The following PHF24 variants were observed in gnomAD, a reference collection of about 807,000 sequenced individuals.
PHF24 encodes the protein PHD finger protein 24.
Under a neutral mutation model 42.6 loss-of-function variants are expected in PHF24, and 25 were observed. That is an observed-to-expected ratio of 0.59 (90% CI 0.43 to 0.82). PHF24 has a LOEUF of 0.82. Among genes scored for constraint, PHF24 ranks in the 40% least tolerant of loss-of-function variants. PHF24 has a pLI of 0.00. For synonymous variants in PHF24, 185 were observed against 204.8 expected, an observed-to-expected ratio of 0.90 and a Z score of 0.83; for missense variants, 470 against 538.1, an observed-to-expected ratio of 0.87 and a Z score of 1.25.
At chr9:34,949,016 T>A in the PHF24 span, among the ~76,000 whole-genome samples, 1 of 152,294 alleles carries the variant, frequency 6.6e-6, no homozygotes, top group Non-Finnish European at 1.5e-5. Flanking sequence ...ATGCACATAA[T>A]AACAGATGCT....
chr9:34,840,608 C>T, the PHF24 span, among the ~76,000 whole-genome samples: 1 of 151,920 alleles, frequency 6.6e-6, no homozygotes, highest in South Asian at 2.1e-4. Context: ...TAGCTCACTG[C>T]AGCCTCTAAC....
At chr9:34,870,181 C>T in the PHF24 span, among the ~76,000 whole-genome samples, 3 of 152,038 alleles carry the variant, frequency 2.0e-5, no homozygotes, top group African/African-American at 7.2e-5. Flanking sequence ...CAGTCCTAAA[C>T]TTGTTTCCAC....
chr9:34,928,216 C>CA, the PHF24 span, among the ~76,000 whole-genome samples: 78,405 of 109,196 alleles, frequency 0.72, 27,164 homozygotes, highest in Non-Finnish European at 0.76. Context: ...GACTCTGTCT[C>CA]AAAAAAAAAA....
At chr9:34,805,718 G>C in the PHF24 span, among the ~76,000 whole-genome samples, 2 of 152,066 alleles carry the variant, frequency 1.3e-5, no homozygotes, top group Non-Finnish European at 2.9e-5. Context: ...TTTCAATAAA[G>C]TCCAATTTAT....
At chr9:34,843,069 T>C in the PHF24 span, among the ~76,000 whole-genome samples, 1 of 152,224 alleles carries the variant, frequency 6.6e-6, no homozygotes, top group Non-Finnish European at 1.5e-5. Flanking sequence ...TAGAAACCAA[T>C]TGAAAAGCAA....
Position 34,971,276 on chromosome 9 carries a change from C to A in PHF24, c.-4-19C>A. Reference sequence around the variant, plus strand: ...TCAGCCATTGGCTGAACCTGTGCCCCTCTGCTTTTTGTCCACAGAGCCATG... The same window carrying A: ...TCAGCCATTGGCTGAACCTGTGCCCATCTGCTTTTTGTCCACAGAGCCATG... On this transcript the variant is annotated intron_variant, in intron 1 of 7. Transcript: ENST00000242315. 1 of 1,574,128 alleles carries A rather than the reference C, an allele frequency of 6.4e-7. No individual in the cohort carries two copies. The highest frequency in any genetic ancestry group is 8.7e-7 in the Non-Finnish European group (1 of 1,154,898).
Position 34,977,423 on chromosome 9 carries a change from C to T in PHF24, c.1011-123C>T, listed in dbSNP as rs79586027. 753 of 1,219,168 alleles carry T rather than the reference C, an allele frequency of 6.2e-4. 2 individuals are homozygous for T. In the African/African-American group the frequency reaches 0.01, roughly 17 times the overall value. The allele number at this position is 1,219,168 out of a possible 1,614,324, so 75.5% of individuals were successfully genotyped here. On this transcript the variant is annotated intron_variant, in intron 6 of 7. Coordinates refer to ENST00000242315, the Ensembl canonical transcript of PHF24. ...CATAGGACAGCCTCTGCCTTCAACTCGGTGTTGCCACATGTCAGAAGAGCC... is the reference window on the plus strand; with the variant it reads ...CATAGGACAGCCTCTGCCTTCAACTTGGTGTTGCCACATGTCAGAAGAGCC...
the PHF24 span, among the ~76,000 whole-genome samples, chr9:34,825,565 G>T: frequency 6.6e-6 from 1 of 151,944 alleles, no homozygotes; most frequent in African/African-American, 2.4e-5. Context: ...CTTTGTGTCT[G>T]TGCATTTTTG....
At chr9:34,811,224 A>G in the PHF24 span, among the ~76,000 whole-genome samples, 973 of 152,338 alleles carry the variant, frequency 6.4e-3, 8 homozygotes, top group Middle Eastern at 0.037. Context: ...AGAAATGTCA[A>G]GGAGAGGAAG....
chr9:34,690,466 G>GTGTGTGTT, the PHF24 span: 1 of 871,380 alleles, frequency 1.1e-6, no homozygotes, highest in Non-Finnish European at 1.8e-6. Flanking sequence ...GTGTGTGTGT[G>GTGTGTGTT]TGTCTGGTGG....
the PHF24 span, among the ~76,000 whole-genome samples, chr9:34,872,924 T>C: frequency 1.3e-5 from 2 of 149,612 alleles, no homozygotes; most frequent in East Asian, 3.9e-4. Flanking sequence ...TGGTATCTCA[T>C]TGTGGTTTTG....
At chr9:34,779,278 T>C in the PHF24 span, among the ~76,000 whole-genome samples, 1 of 151,826 alleles carries the variant, frequency 6.6e-6, no homozygotes, top group South Asian at 2.1e-4. Flanking sequence ...AATAAAAGAA[T>C]AGAGAAAAAT....
At chr9:34,781,152 A>G in the PHF24 span, among the ~76,000 whole-genome samples, 45 of 152,360 alleles carry the variant, frequency 3.0e-4, no homozygotes, top group African/African-American at 1.0e-3. Flanking sequence ...GAAAACAGGA[A>G]TTCAAACAGA....
intron 1 of PHF24, among the ~76,000 whole-genome samples, chr9:34,959,921 C>A (rs376845179): frequency 6.6e-6 from 1 of 152,288 alleles, no homozygotes. Flanking sequence ...CTACATGCAC[C>A]GGTGGACAAT....
At chr9:34,678,557 A>C in the PHF24 span, among the ~76,000 whole-genome samples, 2 of 151,520 alleles carry the variant, frequency 1.3e-5, no homozygotes, top group African/African-American at 4.9e-5. Context: ...CTGGTCTTGA[A>C]CTTCTGACCT....
At chr9:34,828,416 G>A in the PHF24 span, among the ~76,000 whole-genome samples, 1 of 151,894 alleles carries the variant, frequency 6.6e-6, no homozygotes, top group Non-Finnish European at 1.5e-5. Context: ...GTCAACATCC[G>A]GCGTGCTATG....
the PHF24 span, among the ~76,000 whole-genome samples, chr9:34,816,598 G>A: frequency 7.2e-5 from 11 of 152,146 alleles, no homozygotes; most frequent in African/African-American, 2.7e-4. Context: ...GTCCTCCCAT[G>A]GTGAAAGGGG....
the PHF24 span, chr9:34,723,867 G>A: frequency 6.4e-7 from 1 of 1,551,712 alleles, no homozygotes; most frequent in East Asian, 2.4e-5. Context: ...ACTCGTGGAG[G>A]TAGCTGTGGG....
At chr9:34,798,851 C>T in the PHF24 span, among the ~76,000 whole-genome samples, 72 of 152,328 alleles carry the variant, frequency 4.7e-4, no homozygotes, top group Non-Finnish European at 9.1e-4. Flanking sequence ...CTCTTCTCCA[C>T]GGCCTTGCCA....
Sources: allele counts gnomAD v4.1 joint callset (sites outside exome capture counted in the v4.1 genomes callset), GRCh38; gene constraint gnomAD v4.1.1; transcripts MANE v1.5; gene names NCBI Gene and HGNC (gene_info 2026-07-23, HGNC 2026-07-21).